Variants in VPS39 observed in about 807,000 individuals in gnomAD.
The protein encoded by VPS39 is VPS39 subunit of HOPS complex.
In VPS39, 70 loss-of-function variants were observed where a neutral mutation model predicts 121.0. The observed-to-expected ratio is 0.58, with a 90% confidence interval of 0.48 to 0.71. The LOEUF (loss-of-function observed/expected upper bound fraction) is 0.71, where lower values mean the gene tolerates loss of function less well. Among genes scored for constraint, VPS39 ranks in the 30% least tolerant of loss-of-function variants. The pLI, the probability that VPS39 is intolerant of heterozygous loss-of-function variation, is 0.00. For synonymous variants in VPS39, 378 were observed against 398.1 expected, an observed-to-expected ratio of 0.95 and a Z score of 0.60; for missense variants, 818 against 1,051.5, an observed-to-expected ratio of 0.78 and a Z score of 3.07.
At chr15:42,189,287 C>G (rs1312974727) in intron 4 of VPS39, 79 bp from the exon 5 acceptor site, 1 of 1,114,452 alleles carries the variant, frequency 9.0e-7, no homozygotes, top group Non-Finnish European at 1.4e-6. Context: ...AAAAAAGTAA[C>G]TGTGTTAACA....
Position 42,161,491 on chromosome 15 carries a change from TA to T in VPS39, c.2552+190del, listed in dbSNP as rs540425653. The T allele has an allele frequency of 5.5e-6, 4 of 725,864 alleles. No individual in the cohort carries two copies. The South Asian group carries it at 5.7e-5, about 10-fold the overall frequency. 45.0% of individuals were successfully genotyped at this position (725,864 alleles called of 1,614,324 possible). A position where few individuals can be genotyped will look rare whatever the true frequency, so the allele number is the denominator to read the frequency against. ...CTCCATACCATACATTGCAGGTCTT[TA>T]AATTCTCGAAGCCCACTCCCAACAG... On this transcript the variant is annotated intron_variant, in intron 24 of 24. Coordinates refer to ENST00000318006, the MANE Select transcript of VPS39 (RefSeq NM_015289.5).
At chr15:42,190,245 G>A (rs909751511) in intron 4 of VPS39, among the ~76,000 whole-genome samples, 1 of 152,142 alleles carries the variant, frequency 6.6e-6, no homozygotes, top group African/African-American at 2.4e-5. Flanking sequence ...TGTGCATTTT[G>A]TACTAACCCA....
At chr15:42,192,767 TTTTTG>T (rs922150473) in intron 2 of VPS39, among the ~76,000 whole-genome samples, 6 of 150,010 alleles carry the variant, frequency 4.0e-5, no homozygotes, top group African/African-American at 1.0e-4. Context: ...TTTTCTTATT[TTTTTG>T]TTTTGTTTTG....
chr15:42,203,296 C>T (rs1467833401), intron 1 of VPS39, among the ~76,000 whole-genome samples: 1 of 152,014 alleles, frequency 6.6e-6, no homozygotes, highest in African/African-American at 2.4e-5. Flanking sequence ...CAGTGGAAAC[C>T]CATCTCTACT....
At chr15:42,187,178 C>G in intron 7 of VPS39, 93 bp downstream of exon 7, 1 of 904,970 alleles carries the variant, frequency 1.1e-6, no homozygotes, top group Non-Finnish European at 1.7e-6. Context: ...GCCAAAAGCT[C>G]TACTTAAAGT....
chr15:42,165,309 C>T (rs2049220697), intron 17 of VPS39, 196 bp from the exon 18 acceptor site: 6 of 595,266 alleles, frequency 1.0e-5, no homozygotes, highest in Middle Eastern at 4.5e-4. Flanking sequence ...GAGGAGCCAT[C>T]TTCTCAATTA....
chr15:42,191,718 G>A (rs78328640), intron 2 of VPS39, among the ~76,000 whole-genome samples, 158 bp from the exon 3 acceptor site: 3,292 of 152,280 alleles, frequency 0.022, 40 homozygotes, highest in Non-Finnish European at 0.033. Context: ...TCTCTTACAA[G>A]CACTATAAGA....
At position 42,163,725 on chromosome 15, in the gene VPS39, A is replaced by G. The variant is rs759162325; in HGVS notation, c.2030T>C (p.Leu677Pro). 2.5e-6 allele frequency: 4 copies of G among 1,609,252 alleles called. No homozygotes were observed. Among genetic ancestry groups the G allele is most frequent in the Non-Finnish European group, 3.4e-6 (4 of 1,177,704 alleles). Residue 677 changes from leucine to proline, a missense_variant, in exon 20 of 25, where the codon CTC (leucine) becomes CCC (proline). Physicochemically the swap from Leu to Pro is moderately conservative, Grantham distance 98. Coordinates refer to ENST00000318006, the MANE Select transcript of VPS39 (RefSeq NM_015289.5). ...CAACAGGAGAGCTCGTTCTTCTAAG[A>G]GGCCTAGGAGGAAAAGGAATATGAG... is the stretch of plus-strand genomic sequence containing the variant. The part of the protein sequence containing the change: ...RLICDFPFDG[L>P]LEERALLLGR...
chr15:42,203,079 G>A (rs2050099356), intron 1 of VPS39, among the ~76,000 whole-genome samples: 1 of 151,904 alleles, frequency 6.6e-6, no homozygotes, highest in Non-Finnish European at 1.5e-5. Flanking sequence ...AAATGTCTAG[G>A]GGCCGGGCAC....
intron 10 of VPS39, among the ~76,000 whole-genome samples, chr15:42,175,985 A>C (rs2049444254): frequency 6.6e-6 from 1 of 152,166 alleles, no homozygotes; most frequent in Admixed American, 6.5e-5. Context: ...GGACTTATCA[A>C]TGCCAAAGTT....
intron 11 of VPS39, among the ~76,000 whole-genome samples, chr15:42,172,671 T>G (rs1457660368): frequency 6.6e-6 from 1 of 152,230 alleles, no homozygotes; most frequent in African/African-American, 2.4e-5. Flanking sequence ...GCCCAGCCTG[T>G]CCTGGCTACA....
chr15:42,207,622 G>GA (rs1233331854), intron 1 of VPS39, among the ~76,000 whole-genome samples: 1 of 151,784 alleles, frequency 6.6e-6, no homozygotes, highest in Non-Finnish European at 1.5e-5. Flanking sequence ...TCACTAAGGG[G>GA]AAAAAAAAGC....
At chr15:42,184,785 T>C in intron 7 of VPS39, 85 bp from the exon 8 acceptor site, 1 of 1,288,136 alleles carries the variant, frequency 7.8e-7, no homozygotes. Context: ...ACCCGAAACC[T>C]AGAGAAGCCA....
chr15:42,163,192 G>A (rs767624916), intron 21 of VPS39, among the ~76,000 whole-genome samples, 158 bp downstream of exon 21: 22 of 152,162 alleles, frequency 1.4e-4, no homozygotes, highest in African/African-American at 5.1e-4. Flanking sequence ...ACACCAGGAT[G>A]AATGGTCCCC....
Position 42,195,433 on chromosome 15 carries a change from G to C in VPS39, c.140-3873C>G, listed in dbSNP as rs532241124. Among the ~76,000 whole-genome samples the C allele has an allele frequency of 8.5e-5, 13 of 152,260 alleles. No homozygotes were observed. In the East Asian group the frequency reaches 2.5e-3, roughly 29 times the overall value. ...CTACAAAAGATACAAAAATGGCTCAGCCCAAAATCTCCTTAAGCTGATAAG... is the reference window on the plus strand; with the variant it reads ...CTACAAAAGATACAAAAATGGCTCACCCCAAAATCTCCTTAAGCTGATAAG... On this transcript the variant is annotated intron_variant, in intron 2 of 24. Transcript: ENST00000318006.
In VPS39 at chr15:42,166,231, G is replaced by C. The variant is rs572099708; in HGVS notation, c.1608C>G (p.Gly536=). ...ERTVQYLQHL[G]TENLHLIFSY... ...AGAAAATCAAATGCAGGTTTTCTGT[G>C]CCTAGAAGGAAAAGCAGGACTTGTC... The change falls in exon 16 of 25, where the codon GGC becomes GGG. Residue 536 remains glycine, a splice_region_variant and synonymous_variant. Transcript: ENST00000318006. 1 of 1,614,160 alleles carries C rather than the reference G, an allele frequency of 6.2e-7. No individual in the cohort carries two copies. The highest frequency in any genetic ancestry group is 1.3e-5 in the African/African-American group (1 of 75,068).
chr15:42,179,511 A>G (rs1254610215), intron 8 of VPS39, among the ~76,000 whole-genome samples: 3 of 150,980 alleles, frequency 2.0e-5, no homozygotes, highest in Non-Finnish European at 4.4e-5. Flanking sequence ...TGGAAGACGG[A>G]GCTTGCAGTG....
At chr15:42,175,942 C>T (rs117566262) in intron 10 of VPS39, among the ~76,000 whole-genome samples, 2,888 of 152,276 alleles carry the variant, frequency 0.019, 49 homozygotes, top group Non-Finnish European at 0.028. Context: ...TTCCAGCCCA[C>T]AGCGAACTGT....
rs1208687101 is a variant in VPS39 at position 42,162,061 on chromosome 15, T to G, written c.2431A>C (p.Lys811Gln). Residue 811 changes from lysine (K) to glutamine (Q), a missense_variant, in exon 23 of 25, where the codon AAG becomes CAG. Coordinates refer to ENST00000318006, the MANE Select transcript of VPS39 (RefSeq NM_015289.5). ...AGGAATTCTGCATGGAGAAGGTTCTTGAGCACTTGATTGAACCGTTTCTTT... is the reference window on the plus strand; with the variant it reads ...AGGAATTCTGCATGGAGAAGGTTCTGGAGCACTTGATTGAACCGTTTCTTT... ...AQKKRFNQVL[K>Q]NLLHAEFLRV... The G allele has an allele frequency of 1.9e-6, 3 of 1,614,092 alleles. No homozygotes were observed. Among genetic ancestry groups the G allele is most frequent in the Non-Finnish European group, 2.5e-6 (3 of 1,180,038 alleles).
Sources: gnomAD v4.1 joint callset for allele counts (sites outside exome capture counted in the v4.1 genomes callset) on GRCh38, gnomAD v4.1.1 for gene constraint, MANE v1.5 for transcripts, NCBI Gene and HGNC (gene_info 2026-07-23, HGNC 2026-07-21) for gene names.